SLC30A9: variants seen among roughly 807,000 people sequenced by gnomAD.
SLC30A9 encodes the protein solute carrier family 30 member 9, also known as proton-coupled zinc antiporter SLC30A9, mitochondrial.
A neutral mutation model predicts 87.5 loss-of-function variants in SLC30A9; 58 were observed. That is an observed-to-expected ratio of 0.66 (90% CI 0.54 to 0.82). The LOEUF is 0.82. Ranked by LOEUF, SLC30A9 falls within the 40% of genes least tolerant of loss-of-function variation. The pLI is 0.00. For synonymous variants in SLC30A9, 234 were observed against 233.0 expected (o/e 1.00, Z -0.04); for missense variants, 557 against 679.1 (o/e 0.82, Z 2.00).
At chr4:42,034,875 A>G (rs1024038450) in intron 6 of SLC30A9, among the ~76,000 whole-genome samples, 1 of 152,136 alleles carries the variant, frequency 6.6e-6, no homozygotes, top group African/African-American at 2.4e-5. Context: ...TAACAATTGC[A>G]CCATTTTACA....
chr4:41,990,892 C>T (rs1714405016), intron 1 of SLC30A9, 132 bp downstream of exon 1: 2 of 680,324 alleles, frequency 2.9e-6, no homozygotes, highest in East Asian at 5.6e-5. Context: ...CTGGCCTCCG[C>T]CTTTCCAGTT....
At chr4:42,070,496 T>C (rs1319834166) in intron 14 of SLC30A9, 30 bp from the exon 15 acceptor site, 1 of 1,581,202 alleles carries the variant, frequency 6.3e-7, no homozygotes, top group South Asian at 1.1e-5. Flanking sequence ...AAACTGTTAA[T>C]TTACTGATTT....
At chr4:42,002,678 G>C (rs1346192109) in intron 2 of SLC30A9, among the ~76,000 whole-genome samples, 1 of 152,088 alleles carries the variant, frequency 6.6e-6, no homozygotes, top group Non-Finnish European at 1.5e-5. Flanking sequence ...GTACCCCATT[G>C]ATGGACACCT....
At chr4:42,013,865 A>G (rs1023894369) in intron 2 of SLC30A9, among the ~76,000 whole-genome samples, 2 of 152,252 alleles carry the variant, frequency 1.3e-5, no homozygotes, top group Admixed American at 6.5e-5. Flanking sequence ...CCACAAGCAC[A>G]GGCAACCAGA....
chr4:41,990,835 G>A, intron 1 of SLC30A9, 75 bp downstream of exon 1: 1 of 1,063,164 alleles, frequency 9.4e-7, no homozygotes, highest in Non-Finnish European at 1.4e-6. Context: ...CGCCTCGCCT[G>A]GGGCAATTCG....
At chr4:42,050,364 G>A (rs925296702) in intron 9 of SLC30A9, among the ~76,000 whole-genome samples, 10 of 152,094 alleles carry the variant, frequency 6.6e-5, no homozygotes, top group Admixed American at 6.5e-4. Context: ...GTATGCAGTG[G>A]GAGGAGAGGG....
At chr4:42,025,588 A>G (rs1307206960) in intron 6 of SLC30A9, among the ~76,000 whole-genome samples, 1 of 152,190 alleles carries the variant, frequency 6.6e-6, no homozygotes, top group Non-Finnish European at 1.5e-5. Flanking sequence ...TTGGTTTGGC[A>G]TTTTCAAAAG....
At chr4:42,066,130 A>T (rs867049497) in intron 12 of SLC30A9, among the ~76,000 whole-genome samples, 1 of 152,162 alleles carries the variant, frequency 6.6e-6, no homozygotes. Context: ...GTAACTTTCT[A>T]TGTATAATGT....
chr4:42,022,824 G>A lies in SLC30A9; in HGVS notation c.435-14G>A. 6.6e-7 allele frequency: 1 copy of A among 1,505,700 alleles called. No homozygotes were observed. The highest frequency in any genetic ancestry group is 1.2e-5 in the South Asian group (1 of 82,862). The allele number at this position is 1,505,700 out of a possible 1,614,324, so 93.3% of individuals were successfully genotyped here. The stretch of plus-strand genomic sequence containing the variant: ...CACTTTGTCTGAATAAATTCAACAT[G>A]TTTCTTTCTCTAGTGATCTAGAACA... On this transcript the variant is annotated splice_polypyrimidine_tract_variant and intron_variant, in intron 4 of 17. Transcript: ENST00000264451.
At chr4:42,035,380 A>C (rs1426148161) in intron 7 of SLC30A9, 47 bp downstream of exon 7, 18 of 1,584,334 alleles carry the variant, frequency 1.1e-5, no homozygotes, top group Non-Finnish European at 1.3e-5. Flanking sequence ...TGCACAGCAA[A>C]ATTCTAATAT....
chr4:41,990,628 A>G lies in SLC30A9; in HGVS notation c.-24A>G. 1.4e-6 allele frequency: 2 copies of G among 1,461,062 alleles called. No individual in the cohort carries two copies. Among genetic ancestry groups the G allele is most frequent in the Non-Finnish European group, 9.5e-7 (1 of 1,049,398 alleles). 90.5% of individuals were successfully genotyped at this position (1,461,062 alleles called of 1,614,324 possible). ...GCGCGGAGGCAGAAGGCGGTGTCCG[A>G]GTAGGGGCCTCTGCCCCACCAGGAT... is the stretch of plus-strand genomic sequence containing the variant. On this transcript the variant is annotated 5_prime_UTR_variant, in exon 1 of 18. Coordinates refer to ENST00000264451, the MANE Select transcript of SLC30A9 (RefSeq NM_006345.4).
intron 12 of SLC30A9, among the ~76,000 whole-genome samples, chr4:42,065,674 A>G (rs1009776438): frequency 6.6e-6 from 1 of 152,220 alleles, no homozygotes; most frequent in African/African-American, 2.4e-5. Context: ...CTGATGTGGC[A>G]TGAAAGCGCT....
chr4:42,048,758 A>C (rs1426891437), intron 8 of SLC30A9, among the ~76,000 whole-genome samples: 3 of 152,160 alleles, frequency 2.0e-5, no homozygotes, highest in African/African-American at 7.2e-5. Flanking sequence ...CCTAAAACAC[A>C]TAATTTTCTT....
intron 14 of SLC30A9, among the ~76,000 whole-genome samples, chr4:42,068,108 T>C (rs1007863904): frequency 2.0e-5 from 3 of 152,204 alleles, no homozygotes; most frequent in African/African-American, 4.8e-5. Flanking sequence ...TAAATAATTA[T>C]TTTACATAGT....
chr4:41,994,212 GT>G (rs1401341893), intron 1 of SLC30A9, among the ~76,000 whole-genome samples: 3 of 151,984 alleles, frequency 2.0e-5, no homozygotes, highest in Non-Finnish European at 4.4e-5. Flanking sequence ...ATACTCTTGT[GT>G]TATTAGGTAA....
chr4:42,008,611 C>T (rs1715313673), intron 2 of SLC30A9, among the ~76,000 whole-genome samples: 1 of 152,162 alleles, frequency 6.6e-6, no homozygotes, highest in Non-Finnish European at 1.5e-5. Flanking sequence ...CAAAATCCCC[C>T]ACATGGGTGA....
At chr4:42,049,315 T>C in intron 8 of SLC30A9, 62 bp from the exon 9 acceptor site, 1 of 957,574 alleles carries the variant, frequency 1.0e-6, no homozygotes, top group Non-Finnish European at 1.7e-6. Context: ...GCTGATTGAG[T>C]ATGCTTTTGG....
At chr4:42,050,383 G>A (rs1717336833) in intron 9 of SLC30A9, among the ~76,000 whole-genome samples, 2 of 152,174 alleles carry the variant, frequency 1.3e-5, no homozygotes, top group South Asian at 4.1e-4. Context: ...GGGATAGGGA[G>A]AGATATATAA....
intron 2 of SLC30A9, among the ~76,000 whole-genome samples, chr4:42,012,146 C>A (rs1715470699): frequency 1.3e-5 from 2 of 152,108 alleles, no homozygotes; most frequent in Non-Finnish European, 2.9e-5. Context: ...AAAAAGAAAT[C>A]TACCCCTGAC....
Sources: allele counts gnomAD v4.1 joint callset (sites outside exome capture counted in the v4.1 genomes callset), GRCh38; gene constraint gnomAD v4.1.1; transcripts MANE v1.5; gene names NCBI Gene and HGNC (gene_info 2026-07-23, HGNC 2026-07-21).